The following KLRG1 variants were observed in gnomAD, a reference collection of about 807,000 sequenced individuals.
KLRG1 encodes the protein killer cell lectin-like receptor subfamily G member 1.
KLRG1 carries 16 observed loss-of-function variants against 21.8 expected under a neutral mutation model. That is an observed-to-expected ratio of 0.73 (90% CI 0.50 to 1.11). The LOEUF (loss-of-function observed/expected upper bound fraction) is 1.11. Ranked by LOEUF, KLRG1 falls within the 50% of genes most tolerant of loss-of-function variation. KLRG1 has a pLI of 0.00. For missense variants in KLRG1, 173 were observed against 218.3 expected (o/e 0.79, Z 1.31); for synonymous variants, 69 against 75.9 (o/e 0.91, Z 0.47).
the KLRG1 span, chr12:9,069,719 T>C: frequency 5.7e-5 from 91 of 1,593,462 alleles, no homozygotes; most frequent in Non-Finnish European, 7.6e-5. Flanking sequence ...TACGTTTTTT[T>C]GCAAATAGAC....
chr12:9,050,202 C>A, the KLRG1 span, among the ~76,000 whole-genome samples: 5 of 152,162 alleles, frequency 3.3e-5, no homozygotes, highest in Non-Finnish European at 7.3e-5. Flanking sequence ...GTAAGAAATA[C>A]AGTTTTAAGA....
the KLRG1 span, among the ~76,000 whole-genome samples, chr12:9,094,006 GA>G: frequency 1.3e-5 from 2 of 152,108 alleles, no homozygotes; most frequent in Non-Finnish European, 1.5e-5. Flanking sequence ...CAGAGGCTTG[GA>G]TTGTCTGTGG....
chr12:9,081,912 G>T, the KLRG1 span, among the ~76,000 whole-genome samples: 3 of 152,214 alleles, frequency 2.0e-5, no homozygotes, highest in African/African-American at 7.2e-5. Flanking sequence ...CCCATTCAGA[G>T]ATACCAGCCA....
At chr12:9,022,738 C>T in the KLRG1 span, among the ~76,000 whole-genome samples, 3 of 151,564 alleles carry the variant, frequency 2.0e-5, no homozygotes, top group Non-Finnish European at 4.4e-5. Flanking sequence ...TATATGCCTA[C>T]GTGTGCCACT....
the KLRG1 span, chr12:9,095,538 C>T: frequency 6.2e-7 from 1 of 1,609,696 alleles, no homozygotes; most frequent in Non-Finnish European, 8.5e-7. Flanking sequence ...AAGGAGTTTA[C>T]CTCTAGGAAG....
the KLRG1 span, chr12:9,164,066 T>TG: frequency 6.6e-7 from 1 of 1,504,744 alleles, no homozygotes; most frequent in Non-Finnish European, 9.1e-7. Context: ...GAGAATATGA[T>TG]GAAAAAAGTA....
intron 3 of KLRG1, among the ~76,000 whole-genome samples, chr12:8,998,122 C>T (rs1487150284): frequency 1.3e-5 from 2 of 151,920 alleles, no homozygotes; most frequent in Admixed American, 6.6e-5. Context: ...TGAGGTCAGG[C>T]GTTCGAGACC....
the KLRG1 span, chr12:9,101,025 A>C: frequency 2.2e-6 from 2 of 898,386 alleles, no homozygotes; most frequent in Non-Finnish European, 3.4e-6. Flanking sequence ...ATGTGACCAA[A>C]CACCACCTGT....
At chr12:9,121,000 C>T in the KLRG1 span, among the ~76,000 whole-genome samples, 14 of 151,658 alleles carry the variant, frequency 9.2e-5, no homozygotes, top group Admixed American at 6.6e-4. Flanking sequence ...CCCATCTCAG[C>T]CTCCCAAATA....
chr12:9,054,275 T>G, the KLRG1 span, among the ~76,000 whole-genome samples: 2 of 152,238 alleles, frequency 1.3e-5, no homozygotes, highest in African/African-American at 4.8e-5. Flanking sequence ...TTTAGAAGTT[T>G]GGTGATGTTT....
the KLRG1 span, chr12:9,077,792 T>A: frequency 1.2e-6 from 2 of 1,614,048 alleles, no homozygotes; most frequent in Admixed American, 3.3e-5. Flanking sequence ...TTGGGTAATG[T>A]GTGCTTCATC....
At chr12:9,078,212 C>G in the KLRG1 span, among the ~76,000 whole-genome samples, 1 of 152,148 alleles carries the variant, frequency 6.6e-6, no homozygotes, top group Non-Finnish European at 1.5e-5. Context: ...TCCCAACAGG[C>G]CCTGGTGTGT....
the KLRG1 span, among the ~76,000 whole-genome samples, chr12:9,210,843 G>T: frequency 2.6e-5 from 4 of 152,172 alleles, no homozygotes; most frequent in African/African-American, 9.6e-5. Flanking sequence ...TTTTATTACA[G>T]TATAGCCCTC....
At chr12:8,957,638 C>A (rs541199575) in intron 1 of KLRG1, among the ~76,000 whole-genome samples, 2 of 152,122 alleles carry the variant, frequency 1.3e-5, no homozygotes, top group African/African-American at 4.8e-5. Flanking sequence ...GCCAGCATTA[C>A]TACTCTTGCG....
chr12:9,002,331 T>C (rs1450482975), intron 3 of KLRG1, among the ~76,000 whole-genome samples: 1 of 152,098 alleles, frequency 6.6e-6, no homozygotes, highest in Non-Finnish European at 1.5e-5. Context: ...AAATACTACA[T>C]ACAGAAGTGT....
the KLRG1 span, among the ~76,000 whole-genome samples, chr12:9,037,678 G>A: frequency 2.0e-5 from 3 of 152,160 alleles, no homozygotes; most frequent in Admixed American, 1.3e-4. Flanking sequence ...CGTGGTAAGA[G>A]CCCTATCGAG....
chr12:9,124,691 A>G, the KLRG1 span, among the ~76,000 whole-genome samples: 1 of 152,174 alleles, frequency 6.6e-6, no homozygotes, highest in Non-Finnish European at 1.5e-5. Flanking sequence ...TCGACCCTGC[A>G]GGCTCAGGGG....
the KLRG1 span, chr12:9,196,655 C>T: frequency 2.4e-5 from 38 of 1,613,362 alleles, no homozygotes; most frequent in African/African-American, 2.7e-5. Flanking sequence ...TTGGTGTGTA[C>T]TTGTTGGGTG....
At chr12:9,180,900 A>G in the KLRG1 span, 10 of 1,458,970 alleles carry the variant, frequency 6.9e-6, no homozygotes, top group Middle Eastern at 2.4e-4. Flanking sequence ...CAACCTACTC[A>G]TCTGACAAAG....
Sources: allele counts gnomAD v4.1 joint callset (sites outside exome capture counted in the v4.1 genomes callset), GRCh38; gene constraint gnomAD v4.1.1; transcripts MANE v1.5; gene names NCBI Gene and HGNC (gene_info 2026-07-23, HGNC 2026-07-21).